The following COL4A3 variants were observed in gnomAD, a reference collection of about 807,000 sequenced individuals.
COL4A3 encodes the protein collagen alpha-3(IV) chain.
A neutral mutation model predicts 217.4 loss-of-function variants in COL4A3; 135 were observed. That is an observed-to-expected ratio of 0.62 (90% CI 0.54 to 0.72). The LOEUF (loss-of-function observed/expected upper bound fraction) is 0.72, where lower values mean the gene tolerates loss of function less well. COL4A3 is among the 30% of genes least tolerant of loss of function. The probability of loss-of-function intolerance (pLI) is 0.00; values close to 1 mark genes in which losing one functional copy is unlikely to be tolerated. For synonymous variants in COL4A3, 690 were observed against 736.3 expected (o/e 0.94, Z 1.02); for missense variants, 1,868 against 2,119.9 (o/e 0.88, Z 2.33).
chr2:227,311,380 C>CTTTTTTTTTTTTTTTTTTTTT (rs11286889), intron 51 of COL4A3, among the ~76,000 whole-genome samples: 1 of 141,742 alleles, frequency 7.1e-6, no homozygotes. Context: ...AATTTCTCTC[C>CTTTTTTTTTTTTTTTTTTTTT]TTTTTTTTTT....
intron 1 of COL4A3, among the ~76,000 whole-genome samples, chr2:227,185,759 G>A (rs781021950): frequency 2.6e-4 from 40 of 152,180 alleles, no homozygotes; most frequent in Non-Finnish European, 5.6e-4. Context: ...TGCATGAGAG[G>A]GAGTGTATTT....
chr2:227,184,600 T>C (rs1257901082), intron 1 of COL4A3, among the ~76,000 whole-genome samples: 1 of 152,204 alleles, frequency 6.6e-6, no homozygotes, highest in African/African-American at 2.4e-5. Flanking sequence ...TCTTTATTAA[T>C]ATATCCTTTT....
At position 227,312,672 on chromosome 2, in the gene COL4A3, A is replaced by G. The variant is rs778641986; in HGVS notation, c.*802A>G. 1 of 152,652 alleles carries G rather than the reference A, an allele frequency of 6.6e-6. No individual in the cohort carries two copies. Among genetic ancestry groups the G allele is most frequent in the Non-Finnish European group, 1.5e-5 (1 of 68,044 alleles). 9.5% of individuals were successfully genotyped at this position (152,652 alleles called of 1,614,324 possible). A position where few individuals can be genotyped will look rare whatever the true frequency, so the allele number is the denominator to read the frequency against. On this transcript the variant is annotated 3_prime_UTR_variant, in exon 52 of 52. Coordinates refer to ENST00000396578, the MANE Select transcript of COL4A3 (RefSeq NM_000091.5). Reference sequence around the variant, plus strand: ...GTTATATACATACTATGAAATATGTATAACTTTAACTTCTGTTTTACCAGC... The same window carrying G: ...GTTATATACATACTATGAAATATGTGTAACTTTAACTTCTGTTTTACCAGC...
rs183151410 is a variant in COL4A3, at chr2:227,298,863, A to T, written c.3882+51A>T. On this transcript the variant is annotated intron_variant, in intron 43 of 51. Coordinates refer to ENST00000396578, the MANE Select transcript of COL4A3 (RefSeq NM_000091.5). ...CATTATTAATTCAATATCAACTTAT[A>T]ATTATTCTTATATTGTATATTATAT... 1.6e-3 allele frequency: 2,411 copies of T among 1,493,380 alleles called. 3 individuals carry two copies. The highest frequency in any genetic ancestry group is 2.1e-3 in the Non-Finnish European group (2,244 of 1,088,160). 92.5% of individuals were successfully genotyped at this position (1,493,380 alleles called of 1,614,324 possible).
rs1185966176 is a variant in COL4A3 at position 227,246,721 on chromosome 2, G to A, written c.424G>A (p.Gly142Ser). 5 of 1,612,378 alleles carry A rather than the reference G, an allele frequency of 3.1e-6. No individual in the cohort carries two copies. In the East Asian group the frequency reaches 8.9e-5, roughly 29 times the overall value. Residue 142 changes from glycine (G) to serine (S), a missense_variant, in exon 7 of 52, where the codon GGC becomes AGC. Physicochemically the swap from Gly to Ser is moderately conservative, Grantham distance 56. Around this residue, in one of 2 missense-constraint regions of COL4A3, gnomAD observed 365 missense variants for 333.8 expected, o/e 1.09. Transcript: ENST00000396578. The stretch of plus-strand genomic sequence containing the variant: ...GTTTCCAGGACTCCCAGGGACACTG[G>A]GCTACCCAGGGATCCCGGTAGGTTT... ...QGFPGLPGTL[G>S]YPGIPGAAGL...
Position 227,312,899 on chromosome 2 carries a change from T to A in COL4A3, c.*1029T>A, listed in dbSNP as rs773370259. On this transcript the variant is annotated 3_prime_UTR_variant, in exon 52 of 52. Transcript: ENST00000396578. ...ACTCTAGGTTTTACAGATTTATTCC[T>A]TTGTTACTTCTCTAATTCTTCCTTT... 6.6e-6 allele frequency: 1 copy of A among 150,760 alleles called. No homozygotes were observed. Among genetic ancestry groups the A allele is most frequent in the Non-Finnish European group, 1.5e-5 (1 of 67,670 alleles). 9.3% of individuals were successfully genotyped at this position (150,760 alleles called of 1,614,324 possible).
At chr2:227,238,049 T>C (rs1307367641) in intron 2 of COL4A3, 25 bp downstream of exon 2, 2 of 1,441,338 alleles carry the variant, frequency 1.4e-6, no homozygotes, top group South Asian at 1.1e-5. Flanking sequence ...TAATACTGCT[T>C]GTTTACACTG....
At chr2:227,297,202 T>A (rs890606158) in intron 41 of COL4A3, among the ~76,000 whole-genome samples, 5 of 152,218 alleles carry the variant, frequency 3.3e-5, no homozygotes, top group Non-Finnish European at 7.4e-5. Flanking sequence ...AATGCACACA[T>A]CAGTGCTACG....
intron 5 of COL4A3, 151 bp downstream of exon 5, chr2:227,245,146 G>T (rs893446942): frequency 2.8e-5 from 21 of 737,060 alleles, no homozygotes; most frequent in Non-Finnish European, 4.7e-5. Flanking sequence ...ACTAGTGTGT[G>T]GATTTATATG....
intron 1 of COL4A3, among the ~76,000 whole-genome samples, chr2:227,235,239 A>G (rs2068626841): frequency 6.6e-6 from 1 of 152,122 alleles, no homozygotes; most frequent in Non-Finnish European, 1.5e-5. Context: ...CCACACTTTG[A>G]GTTTTAGTAG....
At chr2:227,247,330 T>A (rs1039551318) in intron 7 of COL4A3, among the ~76,000 whole-genome samples, 1 of 152,056 alleles carries the variant, frequency 6.6e-6, no homozygotes, top group South Asian at 2.1e-4. Flanking sequence ...GATTTGGAAC[T>A]GAGGAATGGG....
In COL4A3 at chr2:227,189,476, G is replaced by C. The variant is rs537357171; in HGVS notation, c.87+24663G>C. 3.0e-4 allele frequency among the ~76,000 whole-genome samples: 45 copies of C among 152,244 alleles called. No individual in the cohort carries two copies. The South Asian group carries it at 9.3e-3, about 32-fold the overall frequency. On this transcript the variant is annotated intron_variant, in intron 1 of 51. Transcript: ENST00000396578. ...TTTTTGGTCTAATCAACGTGATGTG[G>C]TGATGACTGATAGATGACTCTGCAC...
chr2:227,208,607 C>A (rs1181857737), intron 1 of COL4A3, among the ~76,000 whole-genome samples: 1 of 152,150 alleles, frequency 6.6e-6, no homozygotes, highest in East Asian at 1.9e-4. Context: ...AACTCTGATC[C>A]CCAAATGTTC....
At chr2:227,212,141 G>A (rs182119888) in intron 1 of COL4A3, among the ~76,000 whole-genome samples, 32 of 149,558 alleles carry the variant, frequency 2.1e-4, no homozygotes, top group African/African-American at 6.0e-4. Flanking sequence ...ATGACTGCAC[G>A]TATCTTTTCT....
intron 1 of COL4A3, among the ~76,000 whole-genome samples, chr2:227,216,427 T>C (rs545036780): frequency 6.6e-6 from 1 of 152,216 alleles, no homozygotes; most frequent in African/African-American, 2.4e-5. Flanking sequence ...CCCTCAGACC[T>C]TACCGCATCT....
intron 5 of COL4A3, among the ~76,000 whole-genome samples, 178 bp downstream of exon 5, chr2:227,245,173 G>A (rs1008678854): frequency 2.0e-5 from 3 of 152,164 alleles, no homozygotes; most frequent in Admixed American, 6.5e-5. Flanking sequence ...GAGTCAAAAT[G>A]TACTTCCTGA....
At chr2:227,195,695 GTA>G (rs879428949) in intron 1 of COL4A3, among the ~76,000 whole-genome samples, 1,840 of 147,144 alleles carry the variant, frequency 0.013, 24 homozygotes, top group South Asian at 0.041. Context: ...GTGTGTGTGT[GTA>G]TGTGTGTGTG....
At chr2:227,263,705 C>G (rs868083609) in intron 20 of COL4A3, 75 bp from the exon 21 acceptor site, 2 of 1,393,316 alleles carry the variant, frequency 1.4e-6, no homozygotes. Context: ...AATTAAATCA[C>G]TCTTGCAATT....
chr2:227,279,658 A>ATT (rs1476929446), intron 28 of COL4A3, 135 bp from the exon 29 acceptor site: 2 of 594,460 alleles, frequency 3.4e-6, no homozygotes, highest in South Asian at 2.7e-5. Context: ...AAAATTGCTA[A>ATT]TTTATCAGTT....
Sources: gnomAD v4.1 joint callset for allele counts (sites outside exome capture counted in the v4.1 genomes callset) on GRCh38, gnomAD v4.1.1 for gene constraint, gnomAD v4.1.1 regional missense constraint, MANE v1.5 for transcripts, NCBI Gene and HGNC (gene_info 2026-07-23, HGNC 2026-07-21) for gene names.